Variants in FRMD4A observed in about 807,000 individuals in gnomAD.
FRMD4A encodes the protein FERM domain containing 4A.
A neutral mutation model predicts 129.1 loss-of-function variants in FRMD4A; 29 were observed. The ratio of observed to expected loss-of-function variants is 0.22; its 90% confidence interval spans 0.17 to 0.31. FRMD4A has a LOEUF of 0.31. Among genes scored for constraint, FRMD4A ranks in the 10% least tolerant of loss-of-function variants. The pLI is 1.00. For missense variants in FRMD4A, 1,272 were observed against 1,375.8 expected, an observed-to-expected ratio of 0.92 and a Z score of 1.19; for synonymous variants, 634 against 571.6, an observed-to-expected ratio of 1.11 and a Z score of -1.56.
At position 13,929,566 on chromosome 10, in the gene FRMD4A, TA is replaced by T. The variant is rs1382048111; in HGVS notation, c.46-70655del. 2.0e-5 allele frequency among the ~76,000 whole-genome samples: 3 copies of T among 152,212 alleles called. No homozygotes were observed. In the South Asian group the frequency reaches 6.2e-4, roughly 31 times the overall value. On this transcript the variant is annotated intron_variant, in intron 2 of 24. Coordinates refer to ENST00000357447, the MANE Select transcript of FRMD4A (RefSeq NM_018027.5). ...GAAGGAAAATCCAGAACAACTGGTTTAAAACCTGGAATTTAGGCTTATTTTG... is the reference window on the plus strand; with the variant it reads ...GAAGGAAAATCCAGAACAACTGGTTTAAACCTGGAATTTAGGCTTATTTTG...
In FRMD4A at chr10:13,997,606, ATTCTT is replaced by A. The variant is rs761115249; in HGVS notation, c.46-138699_46-138695del. Reference sequence around the variant, plus strand: ...GTACTGTACTTAGAAACACATGGCAATTCTTTTCTTTTCTTTTCTTTTTTTTTTTT... The same window carrying A: ...GTACTGTACTTAGAAACACATGGCAATTCTTTTCTTTTCTTTTTTTTTTTT... On this transcript the variant is annotated intron_variant, in intron 2 of 24. Transcript: ENST00000357447. 1.7e-3 allele frequency among the ~76,000 whole-genome samples: 253 copies of A among 148,394 alleles called. 6 individuals are homozygous for A. Among genetic ancestry groups the A allele is most frequent in the East Asian group, 2.4e-3 (12 of 4,976 alleles).
At chr10:14,295,909 T>C (rs960847953) in intron 2 of FRMD4A, among the ~76,000 whole-genome samples, 1 of 152,026 alleles carries the variant, frequency 6.6e-6, no homozygotes, top group African/African-American at 2.4e-5. Context: ...TTAAACGGGG[T>C]CAACATAAAT....
At chr10:14,228,319 T>C (rs887713973) in intron 2 of FRMD4A, among the ~76,000 whole-genome samples, 1 of 152,200 alleles carries the variant, frequency 6.6e-6, no homozygotes, top group Non-Finnish European at 1.5e-5. Context: ...TTCACAAAAA[T>C]ACAGTGACCA....
intron 4 of FRMD4A, among the ~76,000 whole-genome samples, chr10:13,801,924 T>C (rs988941744): frequency 6.7e-6 from 1 of 149,866 alleles, no homozygotes; most frequent in Non-Finnish European, 1.5e-5. Flanking sequence ...AACTAAGAGA[T>C]GCCTTATAGC....
chr10:14,179,541 A>AT lies in FRMD4A; in HGVS notation c.45+150516_45+150517insA, dbSNP rs537471915. ...ACATATTTGCTTTCATTTATAATAT[A>AT]AATATCCGAACCTAGCACAGAGAAA... On this transcript the variant is annotated intron_variant, in intron 2 of 24. Coordinates refer to ENST00000357447, the MANE Select transcript of FRMD4A (RefSeq NM_018027.5). Among the ~76,000 whole-genome samples, 21 of 152,302 alleles carry AT rather than the reference A, an allele frequency of 1.4e-4. No individual in the cohort carries two copies. The South Asian group carries it at 4.4e-3, about 32-fold the overall frequency.
rs574064304 is a variant in FRMD4A at position 13,814,164 on chromosome 10, T to A, written c.112-3256A>T. 3.5e-4 allele frequency among the ~76,000 whole-genome samples: 53 copies of A among 152,304 alleles called. No individual in the cohort carries two copies. In the South Asian group the frequency reaches 0.01, roughly 30 times the overall value. ...GAGATAGAGGAGGAGGAATGGGTGA[T>A]TATGCCTGGTCAACCCAGTTTCATA... On this transcript the variant is annotated intron_variant, in intron 3 of 24. Coordinates refer to ENST00000357447, the MANE Select transcript of FRMD4A (RefSeq NM_018027.5).
At chr10:14,079,152 T>G (rs948090667) in intron 2 of FRMD4A, among the ~76,000 whole-genome samples, 3 of 152,186 alleles carry the variant, frequency 2.0e-5, no homozygotes, top group African/African-American at 7.2e-5. Context: ...CACATCAACC[T>G]CATGAGGTGC....
chr10:14,061,885 C>G (rs1834832767), intron 2 of FRMD4A, among the ~76,000 whole-genome samples: 1 of 152,206 alleles, frequency 6.6e-6, no homozygotes, highest in South Asian at 2.1e-4. Flanking sequence ...GAGTTGCTGA[C>G]TTAGGACTAC....
chr10:14,251,996 T>C (rs963640194), intron 2 of FRMD4A, among the ~76,000 whole-genome samples: 6 of 152,354 alleles, frequency 3.9e-5, no homozygotes, highest in African/African-American at 1.2e-4. Flanking sequence ...AAGACATTAG[T>C]ATCATACTAT....
At chr10:14,049,779 G>A (rs539187612) in intron 2 of FRMD4A, among the ~76,000 whole-genome samples, 6 of 152,250 alleles carry the variant, frequency 3.9e-5, no homozygotes, top group African/African-American at 9.6e-5. Context: ...CGCTTGAACC[G>A]TGGAGGCAGA....
chr10:13,810,708 C>A, intron 4 of FRMD4A, 106 bp downstream of exon 4: 1 of 561,134 alleles, frequency 1.8e-6, no homozygotes, highest in Non-Finnish European at 3.2e-6. Flanking sequence ...GACCATGGGA[C>A]CCAAGTGGTC....
chr10:13,949,906 C>T (rs1310101482), intron 2 of FRMD4A, among the ~76,000 whole-genome samples: 1 of 152,230 alleles, frequency 6.6e-6, no homozygotes, highest in Non-Finnish European at 1.5e-5. Flanking sequence ...GCAGCACTCA[C>T]ATCTGTGGGT....
At chr10:13,864,687 T>A (rs745321608) in intron 2 of FRMD4A, among the ~76,000 whole-genome samples, 1 of 151,696 alleles carries the variant, frequency 6.6e-6, no homozygotes, top group Admixed American at 6.6e-5. Flanking sequence ...GCGATTCTCC[T>A]GCCTCAGCCT....
chr10:13,919,543 T>A (rs1447632357), intron 2 of FRMD4A, among the ~76,000 whole-genome samples: 19 of 152,100 alleles, frequency 1.2e-4, no homozygotes, highest in African/African-American at 4.6e-4. Flanking sequence ...TAAAATTAAA[T>A]TTTTTAAATT....
intron 13 of FRMD4A, among the ~76,000 whole-genome samples, chr10:13,706,655 G>T (rs1388426412): frequency 6.6e-6 from 1 of 151,948 alleles, no homozygotes; most frequent in Non-Finnish European, 1.5e-5. Flanking sequence ...CTCTTCTATA[G>T]CAAAAGTTTC....
chr10:14,115,382 G>A (rs574585108), intron 2 of FRMD4A, among the ~76,000 whole-genome samples: 3 of 152,118 alleles, frequency 2.0e-5, no homozygotes, highest in African/African-American at 7.2e-5. Context: ...AAATATATAC[G>A]AAAAATAATA....
chr10:14,124,403 C>T (rs767132471), intron 2 of FRMD4A, among the ~76,000 whole-genome samples: 4 of 152,158 alleles, frequency 2.6e-5, no homozygotes, highest in Admixed American at 2.0e-4. Flanking sequence ...GGGCCGGACA[C>T]GGTGCCTCAT....
At chr10:13,732,784 G>A (rs1317721115) in intron 12 of FRMD4A, among the ~76,000 whole-genome samples, 1 of 152,226 alleles carries the variant, frequency 6.6e-6, no homozygotes, top group Non-Finnish European at 1.5e-5. Flanking sequence ...ACCCAGCCAT[G>A]AGGCCCATGC....
intron 6 of FRMD4A, among the ~76,000 whole-genome samples, chr10:13,768,197 C>A (rs139132479): frequency 6.6e-6 from 1 of 152,166 alleles, no homozygotes; most frequent in Non-Finnish European, 1.5e-5. Context: ...AAGGAAGAGG[C>A]CTGAGGTCAT....
Sources: gnomAD v4.1 joint callset for allele counts (sites outside exome capture counted in the v4.1 genomes callset) on GRCh38, gnomAD v4.1.1 for gene constraint, MANE v1.5 for transcripts, NCBI Gene and HGNC (gene_info 2026-07-23, HGNC 2026-07-21) for gene names.